CAMK2B: variants seen among roughly 807,000 people sequenced by gnomAD.
CAMK2B encodes calcium/calmodulin dependent protein kinase II beta.
A neutral mutation model predicts 93.7 loss-of-function variants in CAMK2B; 27 were observed. The observed-to-expected ratio is 0.29, with a 90% CI of 0.21 to 0.40. The LOEUF is 0.40. Among genes scored for constraint, CAMK2B ranks in the 10% least tolerant of loss-of-function variants. The pLI is 1.00. For missense variants in CAMK2B, 568 were observed against 895.8 expected (o/e 0.63, Z 4.67); for synonymous variants, 374 against 358.8 (o/e 1.04, Z -0.48).
intron 5 of CAMK2B, among the ~76,000 whole-genome samples, 199 bp downstream of exon 5, chr7:44,254,343 C>T (rs979658243): frequency 1.3e-5 from 2 of 152,210 alleles, no homozygotes; most frequent in Non-Finnish European, 2.9e-5. Context: ...TGGCCTTGGG[C>T]GTGGAGGGGA....
chr7:44,293,564 CT>C (rs956845787), intron 1 of CAMK2B, among the ~76,000 whole-genome samples: 53 of 152,314 alleles, frequency 3.5e-4, no homozygotes, highest in African/African-American at 1.2e-3. Context: ...TTTCCACAGA[CT>C]GGGGCAAGGG....
chr7:44,305,040 A>G (rs1323117581), intron 1 of CAMK2B, among the ~76,000 whole-genome samples: 1 of 151,708 alleles, frequency 6.6e-6, no homozygotes, highest in African/African-American at 2.4e-5. Flanking sequence ...TATTTGCCAT[A>G]TAGTGAAATT....
At chr7:44,325,868 C>T (rs1307751286), upstream of CAMK2B, 5 of 147,322 alleles carry the variant, frequency 3.4e-5, no homozygotes, top group African/African-American at 1.3e-4. Context: ...CGCCCGCCCC[C>T]GCACCCCACA....
At chr7:44,256,167 A>G (rs975589543) in intron 4 of CAMK2B, among the ~76,000 whole-genome samples, 11 of 152,194 alleles carry the variant, frequency 7.2e-5, no homozygotes, top group Non-Finnish European at 1.6e-4. Flanking sequence ...TCTACAGCCA[A>G]TCAACCACCA....
At chr7:44,319,607 G>A (rs2116519735) in intron 1 of CAMK2B, among the ~76,000 whole-genome samples, 2 of 152,226 alleles carry the variant, frequency 1.3e-5, no homozygotes, top group South Asian at 4.1e-4. Context: ...CACCTCCACA[G>A]GCCCAGCCCC....
At chr7:44,317,431 G>C (rs986785012) in intron 1 of CAMK2B, among the ~76,000 whole-genome samples, 2 of 152,058 alleles carry the variant, frequency 1.3e-5, no homozygotes, top group African/African-American at 4.8e-5. Flanking sequence ...AATAATTTCT[G>C]TTTTGATTAC....
chr7:44,320,210 T>A (rs1795754599), intron 1 of CAMK2B, among the ~76,000 whole-genome samples: 1 of 152,064 alleles, frequency 6.6e-6, no homozygotes, highest in South Asian at 2.1e-4. Flanking sequence ...CGAAACGAAG[T>A]AACATCTTCA....
intron 1 of CAMK2B, among the ~76,000 whole-genome samples, chr7:44,307,044 C>CAGAGGGAAGAG (rs1791949351): frequency 1.3e-4 from 1 of 7,580 alleles, no homozygotes; most frequent in Non-Finnish European, 2.6e-4. Flanking sequence ...GGAGAGGAGG[C>CAGAGGGAAGAG]GGTGAGCAGG....
chr7:44,269,536 G>A (rs2096953257), intron 2 of CAMK2B, among the ~76,000 whole-genome samples: 1 of 152,144 alleles, frequency 6.6e-6, no homozygotes, highest in African/African-American at 2.4e-5. Flanking sequence ...CCTGGCAGTG[G>A]GTGACTCACA....
intron 13 of CAMK2B, among the ~76,000 whole-genome samples, chr7:44,235,986 C>CCAG (rs56301509): frequency 0.15 from 23,021 of 151,894 alleles, 1,852 homozygotes; most frequent in South Asian, 0.24. Context: ...TCCCCCAACC[C>CCAG]CAGCAGCAGC....
intron 6 of CAMK2B, among the ~76,000 whole-genome samples, chr7:44,244,716 A>T (rs1262754587): frequency 6.6e-6 from 1 of 151,616 alleles, no homozygotes; most frequent in Non-Finnish European, 1.5e-5. Context: ...TGAATGACAT[A>T]TGCTATCCCC....
At chr7:44,259,060 C>T (rs1333589202) in intron 3 of CAMK2B, 134 bp from the exon 4 acceptor site, 3 of 808,894 alleles carry the variant, frequency 3.7e-6, no homozygotes, top group African/African-American at 1.7e-5. Context: ...TGGGTAGGGC[C>T]CGGGTGGGCA....
At position 44,218,266 on chromosome 7, in the gene CAMK2B, C is replaced by T. The variant is rs2096361371; in HGVS notation, c.*1259G>A. 6.5e-6 allele frequency: 1 copy of T among 152,822 alleles called. No individual in the cohort carries two copies. Among genetic ancestry groups the T allele is most frequent in the Non-Finnish European group, 1.5e-5 (1 of 68,530 alleles). The allele number at this position is 152,822 out of a possible 1,614,324, so 9.5% of individuals were successfully genotyped here. ...AAAGGCACTCCCACTTCAGTAAACC[C>T]CTGCACAGACCCTTGTCTCAGCCCA... On this transcript the variant is annotated 3_prime_UTR_variant, in exon 24 of 24. Coordinates refer to ENST00000395749, the MANE Select transcript of CAMK2B (RefSeq NM_001220.5).
At chr7:44,231,243 G>C (rs939040480) in intron 16 of CAMK2B, among the ~76,000 whole-genome samples, 189 bp from the exon 17 acceptor site, 1 of 152,194 alleles carries the variant, frequency 6.6e-6, no homozygotes, top group African/African-American at 2.4e-5. Flanking sequence ...CGGCTGCAGG[G>C]CCCCAGCTCT....
At chr7:44,257,629 C>G (rs2096845639) in intron 4 of CAMK2B, among the ~76,000 whole-genome samples, 1 of 152,266 alleles carries the variant, frequency 6.6e-6, no homozygotes. Flanking sequence ...ACAGACGTTT[C>G]AGGACACAGC....
chr7:44,285,485 G>A (rs778810027), intron 1 of CAMK2B, among the ~76,000 whole-genome samples: 2 of 152,128 alleles, frequency 1.3e-5, no homozygotes, highest in Non-Finnish European at 2.9e-5. Context: ...AAGCTTCTTC[G>A]GCCTGGACAG....
At chr7:44,254,983 C>CT (rs1367843020) in intron 4 of CAMK2B, among the ~76,000 whole-genome samples, 1 of 151,860 alleles carries the variant, frequency 6.6e-6, no homozygotes, top group Non-Finnish European at 1.5e-5. Flanking sequence ...AGCACAGGAG[C>CT]TTTGTCTCAG....
intron 9 of CAMK2B, 64 bp downstream of exon 9, chr7:44,242,496 C>A: frequency 2.0e-6 from 3 of 1,515,540 alleles, no homozygotes; most frequent in Non-Finnish European, 2.7e-6. Context: ...CCTCTTCCCA[C>A]GCTGCCCTCA....
At chr7:44,220,346 G>T in intron 22 of CAMK2B, 52 bp from the exon 23 acceptor site, 2 of 1,386,726 alleles carry the variant, frequency 1.4e-6, no homozygotes, top group Non-Finnish European at 2.0e-6. Context: ...CTGCCCTGGT[G>T]CCCGTCTTCC....
Sources: gnomAD v4.1 joint callset for allele counts (sites outside exome capture counted in the v4.1 genomes callset) on GRCh38, gnomAD v4.1.1 for gene constraint, MANE v1.5 for transcripts, NCBI Gene and HGNC (gene_info 2026-07-23, HGNC 2026-07-21) for gene names.